The following RBFOX1 variants were observed in gnomAD, a reference collection of about 807,000 sequenced individuals.
RBFOX1 encodes the protein RNA binding protein fox-1 homolog 1.
In RBFOX1, 8 loss-of-function variants were observed where a neutral mutation model predicts 57.7. That is an observed-to-expected ratio of 0.14 (90% CI 0.08 to 0.25). The LOEUF (loss-of-function observed/expected upper bound fraction) is 0.25, where lower values mean the gene tolerates loss of function less well. RBFOX1 is among the 10% of genes least tolerant of loss of function. The pLI is 1.00. For missense variants in RBFOX1, 611 were observed against 548.5 expected (o/e 1.11, Z -1.14); for synonymous variants, 326 against 222.4 (o/e 1.47, Z -4.15).
At chr16:5,909,829 A>T (rs888485081) in intron 4 of RBFOX1, among the ~76,000 whole-genome samples, 3 of 152,144 alleles carry the variant, frequency 2.0e-5, no homozygotes, top group African/African-American at 7.2e-5. Context: ...CGGCGGGCAG[A>T]TCACTTGAGG....
rs199906795 is a variant in RBFOX1 at position 6,872,424 on chromosome 16, A to G, written c.-15-179633A>G. 2.6e-5 allele frequency among the ~76,000 whole-genome samples: 4 copies of G among 151,952 alleles called. No homozygotes were observed. In the East Asian group the frequency reaches 7.7e-4, roughly 29 times the overall value. ...TTTTTTTAATCGATCACCTTTTAAC[A>G]CTTTAAGAACTATTTCTAAAAACTC... On this transcript the variant is annotated intron_variant, in intron 3 of 15. Coordinates refer to ENST00000550418, the MANE Select transcript of RBFOX1 (RefSeq NM_018723.4).
intron 4 of RBFOX1, among the ~76,000 whole-genome samples, chr16:7,095,112 C>G (rs1279382770): frequency 6.6e-6 from 1 of 151,914 alleles, no homozygotes; most frequent in African/African-American, 2.4e-5. Context: ...TTCTTTCTTT[C>G]TTTTTTCTTT....
At chr16:6,971,407 A>C (rs931302887) in intron 3 of RBFOX1, among the ~76,000 whole-genome samples, 1 of 151,940 alleles carries the variant, frequency 6.6e-6, no homozygotes, top group African/African-American at 2.4e-5. Flanking sequence ...TGGGGAGCAG[A>C]AAGGGAAGGG....
chr16:7,485,285 T>G (rs1355665364), intron 4 of RBFOX1, among the ~76,000 whole-genome samples: 2 of 152,230 alleles, frequency 1.3e-5, no homozygotes, highest in Admixed American at 6.5e-5. Context: ...CCCTCATGTT[T>G]CCAGGCAGAC....
chr16:7,259,927 A>G lies in RBFOX1; in HGVS notation c.27+207829A>G, dbSNP rs927886247. On this transcript the variant is annotated intron_variant, in intron 4 of 15. Coordinates refer to ENST00000550418, the MANE Select transcript of RBFOX1 (RefSeq NM_018723.4). The stretch of plus-strand genomic sequence containing the variant: ...TTCTGGGATAAATGAATGCCTGCCA[A>G]TTTATACTGTCATTATCCCTCCCCT... 5.3e-5 allele frequency among the ~76,000 whole-genome samples: 8 copies of G among 152,126 alleles called. No homozygotes were observed. In the East Asian group the frequency reaches 9.6e-4, roughly 18 times the overall value.
Position 6,007,083 on chromosome 16 carries a change from T to G in RBFOX1, c.351+139748T>G, listed in dbSNP as rs183317553. On this transcript the variant is annotated intron_variant, in intron 4 of 19. Transcript: ENST00000641259. ...GATTATTTCTCACTGGAACCAAGCT[T>G]TCTGGGAATGAGGATATGACAGTCA... Among the ~76,000 whole-genome samples, 15 of 152,294 alleles carry G rather than the reference T, an allele frequency of 9.8e-5. No individual in the cohort carries two copies. In the East Asian group the frequency reaches 2.9e-3, roughly 29 times the overall value.
intron 1 of RBFOX1, among the ~76,000 whole-genome samples, chr16:6,159,194 G>A (rs374980007): frequency 2.6e-4 from 40 of 151,966 alleles, no homozygotes; most frequent in Admixed American, 1.9e-3. Flanking sequence ...CTCCTGCCTC[G>A]GCCTCCCGAG....
intron 3 of RBFOX1, among the ~76,000 whole-genome samples, chr16:5,843,111 G>A (rs1487182839): frequency 6.6e-6 from 1 of 152,190 alleles, no homozygotes; most frequent in Non-Finnish European, 1.5e-5. Context: ...ACAGGCGTGA[G>A]CCACCACGCC....
At chr16:6,000,050 C>G (rs912105641) in intron 4 of RBFOX1, among the ~76,000 whole-genome samples, 1 of 152,068 alleles carries the variant, frequency 6.6e-6, no homozygotes, top group Admixed American at 6.6e-5. Flanking sequence ...TGTGGGATGA[C>G]TGTACCTTGC....
intron 7 of RBFOX1, among the ~76,000 whole-genome samples, chr16:7,593,214 C>T (rs2094531595): frequency 6.6e-6 from 1 of 152,138 alleles, no homozygotes; most frequent in South Asian, 2.1e-4. Flanking sequence ...CATTTCTGGA[C>T]TCCAGTCTGG....
chr16:7,492,387 C>A (rs922220453), intron 4 of RBFOX1, among the ~76,000 whole-genome samples: 2 of 152,090 alleles, frequency 1.3e-5, no homozygotes, highest in African/African-American at 4.8e-5. Flanking sequence ...GACTATGTGA[C>A]AAGGGATCAG....
intron 11 of RBFOX1, among the ~76,000 whole-genome samples, chr16:7,641,558 A>C (rs1255532624): frequency 6.6e-6 from 1 of 152,206 alleles, no homozygotes; most frequent in African/African-American, 2.4e-5. Context: ...TACTTTTCAT[A>C]TGAAAGCAAA....
intron 2 of RBFOX1, among the ~76,000 whole-genome samples, chr16:6,474,965 G>T (rs1313628601): frequency 6.6e-6 from 1 of 152,148 alleles, no homozygotes. Context: ...AACTGACCTT[G>T]TACATTTTTT....
intron 3 of RBFOX1, among the ~76,000 whole-genome samples, chr16:5,650,322 A>G (rs939880501): frequency 6.8e-6 from 1 of 147,712 alleles, no homozygotes; most frequent in Non-Finnish European, 1.5e-5. Context: ...AGAGGCAGCC[A>G]CGGCGGTGGT....
intron 2 of RBFOX1, among the ~76,000 whole-genome samples, chr16:6,422,421 C>T (rs1452606267): frequency 6.6e-6 from 1 of 152,030 alleles, no homozygotes; most frequent in African/African-American, 2.4e-5. Flanking sequence ...CCAGTGGCCC[C>T]CTTGTCTATT....
At chr16:7,079,766 G>A (rs1251093559) in intron 4 of RBFOX1, among the ~76,000 whole-genome samples, 2 of 151,892 alleles carry the variant, frequency 1.3e-5, no homozygotes, top group Non-Finnish European at 2.9e-5. Flanking sequence ...ACAGGGTGGT[G>A]TTTGTGTGTG....
At chr16:7,345,731 C>T (rs1211772275) in intron 4 of RBFOX1, among the ~76,000 whole-genome samples, 3 of 152,180 alleles carry the variant, frequency 2.0e-5, no homozygotes, top group Non-Finnish European at 4.4e-5. Context: ...TAATGCAGAG[C>T]ATATGGGATT....
intron 3 of RBFOX1, among the ~76,000 whole-genome samples, chr16:7,001,448 G>T (rs1391360783): frequency 6.6e-6 from 1 of 150,950 alleles, no homozygotes; most frequent in Admixed American, 6.6e-5. Flanking sequence ...ATATGTATAT[G>T]TATATGTATA....
At chr16:5,626,615 C>T (rs1005227105) in intron 3 of RBFOX1, among the ~76,000 whole-genome samples, 1 of 152,140 alleles carries the variant, frequency 6.6e-6, no homozygotes, top group Non-Finnish European at 1.5e-5. Context: ...TGTTTTCAGC[C>T]TCTTCTCCCG....
Sources: allele counts gnomAD v4.1 joint callset (sites outside exome capture counted in the v4.1 genomes callset), GRCh38; gene constraint gnomAD v4.1.1; transcripts MANE v1.5; gene names NCBI Gene and HGNC (gene_info 2026-07-23, HGNC 2026-07-21).